Variants in SLC6A16 observed in about 807,000 individuals in gnomAD.
SLC6A16 encodes solute carrier family 6 member 16, also known as orphan sodium- and chloride-dependent neurotransmitter transporter NTT5.
A neutral mutation model predicts 65.4 loss-of-function variants in SLC6A16; 54 were observed. The observed-to-expected ratio is 0.83, with a 90% CI of 0.66 to 1.04. SLC6A16 has a LOEUF of 1.04. Among genes scored for constraint, SLC6A16 ranks in the 50% least tolerant of loss-of-function variants. The pLI, the probability that SLC6A16 is intolerant of heterozygous loss-of-function variation, is 0.00. For missense variants in SLC6A16, 816 were observed against 914.0 expected (o/e 0.89, Z 1.38); for synonymous variants, 330 against 346.5 (o/e 0.95, Z 0.53).
chr19:49,339,490 T>G, the SLC6A16 span: 1 of 1,543,316 alleles, frequency 6.5e-7, no homozygotes, highest in Non-Finnish European at 8.9e-7. This position sits in a 1 kb window ranked among gnomAD's most constrained non-coding sequence, Gnocchi z 4.5. Flanking sequence ...CGTCCTTCGG[T>G]TGCCTGGGAA....
chr19:49,304,005 C>A (rs1740188203), intron 7 of SLC6A16, among the ~76,000 whole-genome samples: 1 of 152,152 alleles, frequency 6.6e-6, no homozygotes, highest in Non-Finnish European at 1.5e-5. Flanking sequence ...TCAAATGTGG[C>A]TACAAGAGTT....
chr19:49,293,811 GCCTAGGTCAGAGTA>G lies in SLC6A16; in HGVS notation c.1618+2_1618+15del. 1 of 1,608,830 alleles carries G rather than the reference GCCTAGGTCAGAGTA, an allele frequency of 6.2e-7. No individual in the cohort carries two copies. The highest frequency in any genetic ancestry group is 1.1e-5 in the South Asian group (1 of 90,798). On this transcript the variant is annotated splice_donor_variant and splice_donor_5th_base_variant and intron_variant, in intron 9 of 11. Coordinates refer to ENST00000335875, the MANE Select transcript of SLC6A16 (RefSeq NM_014037.3). LOFTEE classifies it high-confidence loss of function. The stretch of plus-strand genomic sequence containing the variant: ...GGTCAGGGTCATTGTTAGGAGTAGG[GCCTAGGTCAGAGTA>G]CCTATGAGCAGCTTTGTATGTTTCC...
chr19:49,310,398 CTTCCATA>C lies in SLC6A16; in HGVS notation c.521_527del (p.Val174GlyfsTer36), dbSNP rs1970494835. On this transcript the variant is annotated frameshift_variant, in exon 3 of 12. Transcript: ENST00000335875. LOFTEE classifies it high-confidence loss of function. ...CACCACCAATCCAGGGGGCAATGAT[CTTCCATA>C]CACCCATGCCACCCTGACGCATGCT... The C allele has an allele frequency of 9.9e-6, 16 of 1,614,016 alleles. No homozygotes were observed. The East Asian group carries it at 3.6e-4, about 36-fold the overall frequency.
chr19:49,333,366 G>T, the SLC6A16 span, among the ~76,000 whole-genome samples: 1 of 152,172 alleles, frequency 6.6e-6, no homozygotes, highest in African/African-American at 2.4e-5. Context: ...CCAGCTACTT[G>T]GGAGAATGAG....
Position 49,290,726 on chromosome 19 carries a change from G to C in SLC6A16, c.1820C>G (p.Ser607Cys), listed in dbSNP as rs1472830185. 6.2e-7 allele frequency: 1 copy of C among 1,613,358 alleles called. No individual in the cohort carries two copies. ...DLTILLGHPI[S>C]PIFGWLWPHL... ...GGGCCACAGCCAACCAAAGATGGGAGAGATGGGGTGGCCCAACAGGATCGT... is the reference window on the plus strand; with the variant it reads ...GGGCCACAGCCAACCAAAGATGGGACAGATGGGGTGGCCCAACAGGATCGT... The change falls in exon 11 of 12, where the codon TCT becomes TGT. Residue 607 changes from serine (S) to cysteine (C), a missense_variant. Physicochemically the swap from Ser to Cys is moderately radical, Grantham distance 112. Coordinates refer to ENST00000335875, the MANE Select transcript of SLC6A16 (RefSeq NM_014037.3).
intron 1 of SLC6A16, among the ~76,000 whole-genome samples, chr19:49,316,873 A>T (rs1970621516): frequency 6.7e-6 from 1 of 150,102 alleles, no homozygotes; most frequent in South Asian, 2.1e-4. Context: ...AAAAAAAAAA[A>T]AATTAAAATT....
At chr19:49,313,272 C>G (rs1007908130) in intron 1 of SLC6A16, among the ~76,000 whole-genome samples, 13 of 152,052 alleles carry the variant, frequency 8.5e-5, no homozygotes, top group East Asian at 5.8e-4. Context: ...AAAGGATCCT[C>G]TCACCTTATC....
intron 1 of SLC6A16, among the ~76,000 whole-genome samples, chr19:49,319,229 G>T (rs990120478): frequency 6.6e-6 from 1 of 151,788 alleles, no homozygotes; most frequent in African/African-American, 2.4e-5. Context: ...CCTAAAATGT[G>T]TAACTGGAGG....
At chr19:49,323,750 G>A (rs1456113129) in intron 1 of SLC6A16, among the ~76,000 whole-genome samples, 1 of 152,190 alleles carries the variant, frequency 6.6e-6, no homozygotes, top group Non-Finnish European at 1.5e-5. Context: ...GAATCCTTGT[G>A]CCTTGCTGGT....
chr19:49,340,127 C>G, the SLC6A16 span: 4 of 1,536,220 alleles, frequency 2.6e-6, no homozygotes, highest in Non-Finnish European at 3.5e-6. Context: ...CTACCTATCC[C>G]CTTCTCCAGC....
the SLC6A16 span, chr19:49,336,557 C>CAA: frequency 5.0e-6 from 1 of 201,288 alleles, no homozygotes; most frequent in East Asian, 1.3e-4. Context: ...GGCTCCAACT[C>CAA]AAAAAAAAAC....
chr19:49,339,673 C>G, the SLC6A16 span: 1 of 1,426,664 alleles, frequency 7.0e-7, no homozygotes, highest in Non-Finnish European at 9.1e-7. The surrounding 1 kb of genome is among the most constrained non-coding windows in gnomAD (Gnocchi z 4.5). Context: ...TGTCATGGTG[C>G]TGAGCGTACA....
chr19:49,340,043 T>A, the SLC6A16 span: 1 of 1,496,428 alleles, frequency 6.7e-7, no homozygotes, highest in Non-Finnish European at 8.9e-7. Flanking sequence ...TCTCAGCCTC[T>A]ACCCCCACTT....
chr19:49,339,759 C>G, the SLC6A16 span: 8 of 1,387,784 alleles, frequency 5.8e-6, no homozygotes, highest in African/African-American at 1.2e-4. The surrounding 1 kb of genome is among the most constrained non-coding windows in gnomAD (Gnocchi z 4.5). Context: ...CCGGGCCCAG[C>G]CTGATCGCTG....
At chr19:49,326,112 A>G (rs916189300), upstream of SLC6A16, among the ~76,000 whole-genome samples, 1 of 151,776 alleles carries the variant, frequency 6.6e-6, no homozygotes, top group Non-Finnish European at 1.5e-5. Flanking sequence ...AGAGGTTGCA[A>G]TGAGCCGAGA....
the SLC6A16 span, chr19:49,335,916 C>T: frequency 9.4e-6 from 7 of 741,834 alleles, no homozygotes; most frequent in East Asian, 2.5e-5. This position sits in a 1 kb window ranked among gnomAD's most constrained non-coding sequence, Gnocchi z 4.6. Context: ...CACTGCTCAC[C>T]GGAGGCTTCT....
At chr19:49,327,236 G>A (rs905953876), upstream of SLC6A16, among the ~76,000 whole-genome samples, 1 of 152,012 alleles carries the variant, frequency 6.6e-6, no homozygotes, top group African/African-American at 2.4e-5. Flanking sequence ...CATTACGCCT[G>A]GTTAATTTTC....
At chr19:49,338,470 G>A in the SLC6A16 span, among the ~76,000 whole-genome samples, 1 of 151,942 alleles carries the variant, frequency 6.6e-6, no homozygotes, top group East Asian at 1.9e-4. The surrounding 1 kb of genome is among the most constrained non-coding windows in gnomAD (Gnocchi z 5.0). Context: ...CGACCCTGCA[G>A]CTCCTTCCCC....
the SLC6A16 span, chr19:49,331,944 T>G: frequency 2.2e-6 from 1 of 452,112 alleles, no homozygotes; most frequent in South Asian, 1.6e-5. Flanking sequence ...TACTCATCTC[T>G]GAGGAGGGAT....
Sources: allele counts gnomAD v4.1 joint callset (sites outside exome capture counted in the v4.1 genomes callset), GRCh38; gene constraint gnomAD v4.1.1; non-coding constraint Gnocchi (gnomAD v3.1); transcripts MANE v1.5; gene names NCBI Gene and HGNC (gene_info 2026-07-23, HGNC 2026-07-21).